Variants in TAFA2 observed in about 807,000 individuals in gnomAD.
TAFA2 encodes chemokine-like protein TAFA-2.
In TAFA2, 7 loss-of-function variants were observed where a neutral mutation model predicts 18.8. That is an observed-to-expected ratio of 0.37 (90% CI 0.21 to 0.70). The LOEUF (loss-of-function observed/expected upper bound fraction) is 0.70, where lower values mean the gene tolerates loss of function less well. Among genes scored for constraint, TAFA2 ranks in the 30% least tolerant of loss-of-function variants. TAFA2 has a pLI of 0.53. For synonymous variants in TAFA2, 60 were observed against 54.2 expected, an observed-to-expected ratio of 1.11 and a Z score of -0.47; for missense variants, 122 against 158.1, an observed-to-expected ratio of 0.77 and a Z score of 1.23.
intron 1 of TAFA2, among the ~76,000 whole-genome samples, 177 bp from the exon 2 acceptor site, chr12:61,867,603 G>A (rs1433473218): frequency 6.6e-6 from 1 of 151,940 alleles, no homozygotes; most frequent in Non-Finnish European, 1.5e-5. Context: ...GAAAATAAAG[G>A]TTTTCCAAAG....
intron 2 of TAFA2, among the ~76,000 whole-genome samples, chr12:61,805,963 C>A (rs1871593305): frequency 6.6e-6 from 1 of 152,070 alleles, no homozygotes; most frequent in Admixed American, 6.6e-5. Context: ...ACCTTAGTCC[C>A]TACAATCAAA....
chr12:62,228,248 A>G (rs2062796547), intron 1 of TAFA2, among the ~76,000 whole-genome samples: 1 of 152,020 alleles, frequency 6.6e-6, no homozygotes, highest in Admixed American at 6.6e-5. Context: ...TGTGTACGGA[A>G]TGTTTAGCTC....
chr12:62,072,476 A>G (rs1258572949), intron 1 of TAFA2, among the ~76,000 whole-genome samples: 5 of 147,562 alleles, frequency 3.4e-5, no homozygotes, highest in African/African-American at 1.3e-4. Context: ...CTCAAAAAAT[A>G]ATAATAATAA....
chr12:61,747,699 A>T (rs1868791400), intron 4 of TAFA2, among the ~76,000 whole-genome samples: 1 of 136,512 alleles, frequency 7.3e-6, no homozygotes, highest in African/African-American at 2.8e-5. Context: ...GGAATATCAC[A>T]CTCTGGGGAC....
At chr12:62,020,336 C>A (rs934962808) in intron 1 of TAFA2, among the ~76,000 whole-genome samples, 17 of 152,148 alleles carry the variant, frequency 1.1e-4, no homozygotes, top group African/African-American at 4.1e-4. Flanking sequence ...CCCATCCTTT[C>A]ATTTCTACTG....
intron 1 of TAFA2, among the ~76,000 whole-genome samples, chr12:62,237,119 G>A (rs933497448): frequency 6.6e-6 from 1 of 152,092 alleles, no homozygotes; most frequent in African/African-American, 2.4e-5. Flanking sequence ...TCTATATCTT[G>A]CAGGCATTCT....
At chr12:61,725,234 G>T (rs1870105320) in intron 4 of TAFA2, among the ~76,000 whole-genome samples, 1 of 152,080 alleles carries the variant, frequency 6.6e-6, no homozygotes, top group Admixed American at 6.6e-5. Flanking sequence ...TCTGTGGGTT[G>T]TCTGTTTACT....
chr12:62,223,132 T>C (rs1197093946), intron 1 of TAFA2, among the ~76,000 whole-genome samples: 1 of 152,178 alleles, frequency 6.6e-6, no homozygotes, highest in Non-Finnish European at 1.5e-5. Flanking sequence ...TTAGGCAAGC[T>C]GATTCTAAGT....
At position 61,709,717 on chromosome 12, in the gene TAFA2, C is replaced by T. The variant is rs530484817; in HGVS notation, c.*689G>A. ...CTACCTATTTGACAAAGAGCTTCAG[C>T]AGGGTGTTGTTAGCCTTAGGGAAAT... On this transcript the variant is annotated 3_prime_UTR_variant, in exon 5 of 5. Coordinates refer to ENST00000416284, the MANE Select transcript of TAFA2 (RefSeq NM_178539.5). The T allele has an allele frequency of 2.6e-5, 4 of 152,188 alleles. No individual in the cohort carries two copies. In the East Asian group the frequency reaches 7.7e-4, roughly 29 times the overall value. 9.4% of individuals were successfully genotyped at this position (152,188 alleles called of 1,614,324 possible).
chr12:61,929,123 G>A lies in TAFA2; in HGVS notation c.-1-61697C>T, dbSNP rs145977526. On this transcript the variant is annotated intron_variant, in intron 1 of 4. Coordinates refer to ENST00000416284, the MANE Select transcript of TAFA2 (RefSeq NM_178539.5). ...GTATACCTATGTAACAAACCTGCAC[G>A]TTCTGCACATGTATCCCCAAACTTA... 2.6e-4 allele frequency among the ~76,000 whole-genome samples: 39 copies of A among 150,632 alleles called. No homozygotes were observed. The East Asian group carries it at 6.1e-3, about 23-fold the overall frequency.
At chr12:62,147,815 T>C (rs939604839) in intron 1 of TAFA2, among the ~76,000 whole-genome samples, 2 of 150,434 alleles carry the variant, frequency 1.3e-5, no homozygotes, top group African/African-American at 2.5e-5. Context: ...AAATTATGCA[T>C]CTGACAAGGG....
rs142845285 is a variant in TAFA2 at position 61,834,365 on chromosome 12, G to A, written c.106+32955C>T. Reference sequence around the variant, plus strand: ...TGTCTGCTGTTGCCACTTGCTGTTGGATTCCTTACCTGCATATCGGCTCTT... The same window carrying A: ...TGTCTGCTGTTGCCACTTGCTGTTGAATTCCTTACCTGCATATCGGCTCTT... On this transcript the variant is annotated intron_variant, in intron 2 of 4. Coordinates refer to ENST00000416284, the MANE Select transcript of TAFA2 (RefSeq NM_178539.5). Among the ~76,000 whole-genome samples the A allele has an allele frequency of 6.8e-4, 104 of 152,114 alleles. 1 individual carries two copies. The highest frequency in any genetic ancestry group is 2.4e-3 in the African/African-American group (101 of 41,538).
At chr12:61,779,864 C>T (rs899544350) in intron 2 of TAFA2, among the ~76,000 whole-genome samples, 35 of 151,746 alleles carry the variant, frequency 2.3e-4, no homozygotes, top group African/African-American at 7.7e-4. Context: ...TGTCTTCTTA[C>T]TGGATCTGTT....
intron 1 of TAFA2, among the ~76,000 whole-genome samples, chr12:61,990,825 G>A (rs557169254): frequency 5.3e-5 from 8 of 152,290 alleles, no homozygotes; most frequent in African/African-American, 1.9e-4. Flanking sequence ...ACGTGGAGGA[G>A]TGTATATGTA....
intron 1 of TAFA2, among the ~76,000 whole-genome samples, chr12:62,093,945 A>C (rs1868833496): frequency 6.6e-6 from 1 of 152,090 alleles, no homozygotes; most frequent in South Asian, 2.1e-4. Context: ...AGTCCCAAAG[A>C]GGAGGAGATT....
chr12:62,039,874 C>G (rs1347928876), intron 1 of TAFA2, among the ~76,000 whole-genome samples: 2 of 152,270 alleles, frequency 1.3e-5, no homozygotes, highest in East Asian at 3.9e-4. Flanking sequence ...GATTCAGTAG[C>G]TTGAGGTGAG....
At chr12:61,846,619 A>C (rs919988923) in intron 2 of TAFA2, among the ~76,000 whole-genome samples, 3 of 152,196 alleles carry the variant, frequency 2.0e-5, no homozygotes, top group African/African-American at 7.2e-5. Flanking sequence ...CATAAAATAA[A>C]GGTTAACTTG....
At chr12:61,726,402 G>C (rs935656836) in intron 4 of TAFA2, among the ~76,000 whole-genome samples, 4 of 151,996 alleles carry the variant, frequency 2.6e-5, no homozygotes, top group Non-Finnish European at 5.9e-5. Context: ...TGTCGTCTAT[G>C]ATTTCTTTCA....
chr12:62,243,182 C>T (rs1303336624), intron 1 of TAFA2, among the ~76,000 whole-genome samples: 1 of 152,070 alleles, frequency 6.6e-6, no homozygotes, highest in Non-Finnish European at 1.5e-5. Flanking sequence ...CAGCTGGAAG[C>T]CAGTTTCTCA....
Sources: gnomAD v4.1 joint callset for allele counts (sites outside exome capture counted in the v4.1 genomes callset) on GRCh38, gnomAD v4.1.1 for gene constraint, MANE v1.5 for transcripts, NCBI Gene and HGNC (gene_info 2026-07-23, HGNC 2026-07-21) for gene names.